Variants in CRYL1 observed in about 807,000 individuals in gnomAD.
CRYL1 encodes lambda-crystallin homolog.
In CRYL1, 29 loss-of-function variants were observed where a neutral mutation model predicts 36.6. The observed-to-expected ratio is 0.79, with a 90% CI of 0.59 to 1.08. The LOEUF (loss-of-function observed/expected upper bound fraction) is 1.08. Ranked by LOEUF, CRYL1 falls within the 50% of genes least tolerant of loss-of-function variation. CRYL1 has a pLI of 0.00. For synonymous variants in CRYL1, 152 were observed against 151.5 expected, an observed-to-expected ratio of 1.00 and a Z score of -0.02; for missense variants, 411 against 407.9, an observed-to-expected ratio of 1.01 and a Z score of -0.06.
At chr13:20,433,212 A>G (rs4770028) in intron 4 of CRYL1, among the ~76,000 whole-genome samples, 150,746 of 152,222 alleles carry the variant, frequency 0.99, 74,664 homozygotes, top group East Asian at 1. Context: ...AGCATGCCCC[A>G]AGGGAGGACC....
chr13:20,514,392 G>A (rs2033965934), intron 1 of CRYL1, among the ~76,000 whole-genome samples: 1 of 152,214 alleles, frequency 6.6e-6, no homozygotes, highest in African/African-American at 2.4e-5. Context: ...CTCATCATGA[G>A]AAGAACATCG....
chr13:20,524,742 AGG>A, intron 1 of CRYL1, among the ~76,000 whole-genome samples: 1 of 152,186 alleles, frequency 6.6e-6, no homozygotes, highest in East Asian at 1.9e-4. Context: ...GAAAGAACAA[AGG>A]CACAGTTAAC....
chr13:20,459,029 A>C (rs2032745081), intron 3 of CRYL1, among the ~76,000 whole-genome samples: 1 of 152,096 alleles, frequency 6.6e-6, no homozygotes, highest in South Asian at 2.1e-4. Flanking sequence ...AGGTCAGGAG[A>C]TCAAGACCAT....
chr13:20,508,958 C>T (rs1271819543), intron 2 of CRYL1, among the ~76,000 whole-genome samples: 4 of 147,678 alleles, frequency 2.7e-5, no homozygotes, highest in East Asian at 2.0e-4. Context: ...CCTAGCACTT[C>T]GGGAGGCTGA....
chr13:20,514,838 GT>G (rs571361051), intron 1 of CRYL1, among the ~76,000 whole-genome samples: 2 of 151,664 alleles, frequency 1.3e-5, no homozygotes, highest in Non-Finnish European at 1.5e-5. Flanking sequence ...AAAAATAAAG[GT>G]TTTTTTTAAT....
At chr13:20,414,869 C>T (rs1233655062) in intron 5 of CRYL1, among the ~76,000 whole-genome samples, 1 of 152,184 alleles carries the variant, frequency 6.6e-6, no homozygotes, top group Non-Finnish European at 1.5e-5. Flanking sequence ...GTCAGGAGGG[C>T]GGACGGAGGG....
At chr13:20,474,272 G>A (rs188964931) in intron 3 of CRYL1, among the ~76,000 whole-genome samples, 118 of 152,254 alleles carry the variant, frequency 7.8e-4, no homozygotes, top group Admixed American at 2.0e-3. Flanking sequence ...TAGGTATCTC[G>A]GAGGAAACCT....
At position 20,425,499 on chromosome 13, in the gene CRYL1, C is replaced by T. The variant is rs1333548750; in HGVS notation, c.633+6603G>A. ...AAGGACAGGCCACGCAGGCAGCTTG[C>T]TGAGATGGCTTCCTGCTCAGAAAAT... On this transcript the variant is annotated intron_variant, in intron 5 of 7. Transcript: ENST00000298248. The surrounding 1 kb of genome is among the most constrained non-coding windows in gnomAD (Gnocchi z 4.4). Among the ~76,000 whole-genome samples, 3 of 152,218 alleles carry T rather than the reference C, an allele frequency of 2.0e-5. No homozygotes were observed. Among genetic ancestry groups the T allele is most frequent in the African/African-American group, 4.8e-5 (2 of 41,446 alleles).
chr13:20,486,767 A>C (rs1393039879), intron 3 of CRYL1, among the ~76,000 whole-genome samples: 2 of 152,188 alleles, frequency 1.3e-5, no homozygotes, highest in Non-Finnish European at 1.5e-5. Flanking sequence ...ACTGTAGTTA[A>C]AGAGCAGTTT....
At chr13:20,524,281 A>C (rs947571836) in intron 1 of CRYL1, among the ~76,000 whole-genome samples, 1 of 152,122 alleles carries the variant, frequency 6.6e-6, no homozygotes, top group Non-Finnish European at 1.5e-5. Flanking sequence ...CTGTGTGTGT[A>C]TATATATGTG....
intron 5 of CRYL1, chr13:20,426,828 A>T (rs1479991074): frequency 1.0e-6 from 1 of 985,412 alleles, no homozygotes; most frequent in Non-Finnish European, 1.2e-6. Flanking sequence ...CCCCATCCAG[A>T]TGCCCCAGAC....
intron 3 of CRYL1, among the ~76,000 whole-genome samples, chr13:20,472,801 C>A (rs983569724): frequency 1.4e-4 from 21 of 152,314 alleles, no homozygotes; most frequent in African/African-American, 4.8e-4. Context: ...TCCCAGACAG[C>A]TGGAACAACA....
chr13:20,491,205 C>A (rs2033505941), intron 2 of CRYL1, among the ~76,000 whole-genome samples: 2 of 152,220 alleles, frequency 1.3e-5, no homozygotes, highest in East Asian at 3.9e-4. Flanking sequence ...CAGCACCTGG[C>A]CCTAAATTTT....
intron 3 of CRYL1, among the ~76,000 whole-genome samples, chr13:20,475,679 T>C (rs1011129810): frequency 1.3e-5 from 2 of 152,108 alleles, no homozygotes; most frequent in African/African-American, 4.8e-5. Flanking sequence ...AGAAGAGCCA[T>C]ATCAGCCTCA....
chr13:20,416,850 C>T (rs1228441596), intron 5 of CRYL1, among the ~76,000 whole-genome samples: 1 of 152,176 alleles, frequency 6.6e-6, no homozygotes, highest in Non-Finnish European at 1.5e-5. Context: ...TGCCCCATGA[C>T]CTGGGAGGAA....
At chr13:20,471,468 G>A (rs2033059411) in intron 3 of CRYL1, among the ~76,000 whole-genome samples, 1 of 151,952 alleles carries the variant, frequency 6.6e-6, no homozygotes, top group Non-Finnish European at 1.5e-5. Context: ...AGCCGGGTGT[G>A]GTGGCGGTCG....
intron 2 of CRYL1, among the ~76,000 whole-genome samples, chr13:20,501,140 AAG>A (rs2033696105): frequency 6.6e-6 from 1 of 152,192 alleles, no homozygotes; most frequent in Non-Finnish European, 1.5e-5. Flanking sequence ...CAGCCGATTA[AAG>A]CCTTCTTCCT....
chr13:20,514,730 G>T (rs1385522266), intron 1 of CRYL1, among the ~76,000 whole-genome samples: 3 of 152,168 alleles, frequency 2.0e-5, no homozygotes, highest in Non-Finnish European at 4.4e-5. Context: ...CCATATTAAT[G>T]TAAGATGTTA....
At chr13:20,491,688 G>A (rs980673626) in intron 2 of CRYL1, among the ~76,000 whole-genome samples, 1 of 152,192 alleles carries the variant, frequency 6.6e-6, no homozygotes, top group Admixed American at 6.5e-5. Context: ...CTACTTGGGA[G>A]GCTGAGGTGG....
Sources: gnomAD v4.1 joint callset for allele counts (sites outside exome capture counted in the v4.1 genomes callset) on GRCh38, gnomAD v4.1.1 for gene constraint, Gnocchi (gnomAD v3.1) non-coding constraint, MANE v1.5 for transcripts, NCBI Gene and HGNC (gene_info 2026-07-23, HGNC 2026-07-21) for gene names.